The following ZC3H3 variants were observed in gnomAD, a reference collection of about 807,000 sequenced individuals.
ZC3H3 encodes the protein zinc finger CCCH domain-containing protein 3.
Under a neutral mutation model 77.3 loss-of-function variants are expected in ZC3H3, and 36 were observed. That is an observed-to-expected ratio of 0.47 (90% CI 0.36 to 0.61). The LOEUF (loss-of-function observed/expected upper bound fraction) is 0.61. ZC3H3 is among the 20% of genes least tolerant of loss of function. The probability of loss-of-function intolerance (pLI) is 0.00; values close to 1 mark genes in which losing one functional copy is unlikely to be tolerated. For missense variants in ZC3H3, 1,331 were observed against 1,312.2 expected (o/e 1.01, Z -0.22); for synonymous variants, 626 against 555.2 (o/e 1.13, Z -1.79).
chr8:143,537,535 A>G (rs532982812), intron 2 of ZC3H3, among the ~76,000 whole-genome samples: 1 of 152,374 alleles, frequency 6.6e-6, no homozygotes, highest in Non-Finnish European at 1.5e-5. Context: ...GGCAGGGCCC[A>G]GAGCTCTGGT....
chr8:143,519,118 A>AG (rs140206195), intron 3 of ZC3H3, among the ~76,000 whole-genome samples: 21,964 of 152,210 alleles, frequency 0.14, 1,712 homozygotes, highest in Admixed American at 0.21. Flanking sequence ...CGGCCTCTGA[A>AG]GGAGGGGAGG....
At chr8:143,443,569 A>G (rs560088173) in intron 9 of ZC3H3, among the ~76,000 whole-genome samples, 58 of 152,258 alleles carry the variant, frequency 3.8e-4, no homozygotes, top group Admixed American at 1.0e-3. Flanking sequence ...ATATCACAAC[A>G]GAAGACCTAG....
chr8:143,470,113 C>A (rs1231177298), intron 5 of ZC3H3, among the ~76,000 whole-genome samples: 1 of 152,212 alleles, frequency 6.6e-6, no homozygotes, highest in Non-Finnish European at 1.5e-5. Flanking sequence ...TCCCTCGCAC[C>A]CCCAGGCTGG....
At chr8:143,515,724 C>T (rs567666108) in intron 3 of ZC3H3, among the ~76,000 whole-genome samples, 18 of 152,344 alleles carry the variant, frequency 1.2e-4, no homozygotes, top group Non-Finnish European at 2.1e-4. Flanking sequence ...GTGGCCAAGG[C>T]CTAGAGGAAG....
chr8:143,483,907 A>G (rs986798650), intron 4 of ZC3H3, among the ~76,000 whole-genome samples: 1 of 151,992 alleles, frequency 6.6e-6, no homozygotes, highest in Admixed American at 6.6e-5. Flanking sequence ...TCCCGCTGTC[A>G]CCCCCACAGC....
rs75499773 is a variant in ZC3H3 at position 143,538,691 on chromosome 8, C to T, written c.676G>A (p.Val226Ile). The change falls in exon 2 of 12, where the codon GTC becomes ATC. Residue 226 changes from valine (V) to isoleucine (I), a missense_variant. By Grantham distance (29) the Val-to-Ile change is conservative. Around this residue, in one of 3 missense-constraint regions of ZC3H3, gnomAD observed 978 missense variants for 915.5 expected, o/e 1.07. Coordinates refer to ENST00000262577, the MANE Select transcript of ZC3H3 (RefSeq NM_015117.3). ...GCGGAGGATGGGAAGCTCGCCTTGA[C>T]GGCAATCACACTCTCACTGACTGTC... Reference protein sequence around the residue: ...RRTVSESVIAVKASFPSSALP... With the variant: ...RRTVSESVIAIKASFPSSALP... 238 of 1,608,076 alleles carry T rather than the reference C, an allele frequency of 1.5e-4. No homozygotes were observed. The East Asian group carries it at 4.1e-3, about 28-fold the overall frequency.
intron 3 of ZC3H3, among the ~76,000 whole-genome samples, chr8:143,518,267 C>T (rs960404599): frequency 1.3e-5 from 2 of 152,226 alleles, no homozygotes; most frequent in Admixed American, 6.5e-5. Context: ...TCCCTCCCAG[C>T]CCACCCCTGA....
intron 3 of ZC3H3, among the ~76,000 whole-genome samples, chr8:143,517,203 A>T (rs1822085401): frequency 6.6e-6 from 1 of 152,174 alleles, no homozygotes. Context: ...GTCTGTATGA[A>T]ATGGGAATAG....
At chr8:143,466,747 C>G (rs1380464877) in intron 8 of ZC3H3, among the ~76,000 whole-genome samples, 1 of 152,180 alleles carries the variant, frequency 6.6e-6, no homozygotes, top group Non-Finnish European at 1.5e-5. Flanking sequence ...CCAGGGTCTC[C>G]AGTCTTGCCC....
At chr8:143,527,520 C>G (rs1456896166) in intron 3 of ZC3H3, among the ~76,000 whole-genome samples, 1 of 152,208 alleles carries the variant, frequency 6.6e-6, no homozygotes, top group African/African-American at 2.4e-5. Flanking sequence ...AATTAATTAG[C>G]ACAGCCACAA....
In ZC3H3 at chr8:143,477,797, C is replaced by T. The variant is rs146423328; in HGVS notation, c.1716-2212G>A. Among the ~76,000 whole-genome samples, 292 of 152,330 alleles carry T rather than the reference C, an allele frequency of 1.9e-3. 1 individual carries two copies. Among genetic ancestry groups the T allele is most frequent in the African/African-American group, 6.6e-3 (273 of 41,586 alleles). ...GTACTCACAGGCCTCAGGGGTCTCA[C>T]CATTGGGAGGGTGAGGGGGCTGGTG... On this transcript the variant is annotated intron_variant, in intron 4 of 11. Transcript: ENST00000262577.
At chr8:143,478,080 G>A (rs561737850) in intron 4 of ZC3H3, among the ~76,000 whole-genome samples, 4 of 152,244 alleles carry the variant, frequency 2.6e-5, no homozygotes, top group South Asian at 2.1e-4. Flanking sequence ...AACCCTGGCC[G>A]CCACAAAGCA....
intron 4 of ZC3H3, among the ~76,000 whole-genome samples, chr8:143,479,091 G>A (rs147475806): frequency 2.0e-5 from 3 of 152,358 alleles, no homozygotes; most frequent in South Asian, 4.1e-4. Flanking sequence ...CCTAGCCCAA[G>A]AGCCTCATTC....
chr8:143,519,381 C>A (rs545331367), intron 3 of ZC3H3, among the ~76,000 whole-genome samples: 2 of 152,278 alleles, frequency 1.3e-5, no homozygotes, highest in African/African-American at 4.8e-5. Flanking sequence ...GGGCCCCAGA[C>A]CATAGTGCAA....
rs1342416092 is a variant in ZC3H3, at chr8:143,494,036, C to T, written c.1715+13710G>A. ...CCGCCTGTTCCCATAAAATAAAACT[C>T]TAAAAAACCTGCCGGAGTCCTGCCT... On this transcript the variant is annotated intron_variant, in intron 4 of 11. Transcript: ENST00000262577. The surrounding 1 kb of genome is among the most constrained non-coding windows in gnomAD (Gnocchi z 5.3). Among the ~76,000 whole-genome samples, 1 of 152,314 alleles carries T rather than the reference C, an allele frequency of 6.6e-6. No homozygotes were observed. Among genetic ancestry groups the T allele is most frequent in the East Asian group, 1.9e-4 (1 of 5,190 alleles).
At chr8:143,521,826 G>A (rs1186396906) in intron 3 of ZC3H3, among the ~76,000 whole-genome samples, 2 of 152,186 alleles carry the variant, frequency 1.3e-5, no homozygotes, top group Non-Finnish European at 2.9e-5. Context: ...TGGAACAGGA[G>A]GGAGGGTTTT....
At chr8:143,483,706 T>C (rs1269505309) in intron 4 of ZC3H3, among the ~76,000 whole-genome samples, 14 of 152,206 alleles carry the variant, frequency 9.2e-5, no homozygotes, top group Admixed American at 9.2e-4. Context: ...GGCCTCACGA[T>C]GGCTATGGCC....
chr8:143,468,316 G>A, intron 7 of ZC3H3, 38 bp from the exon 8 acceptor site: 3 of 1,612,214 alleles, frequency 1.9e-6, no homozygotes, highest in Non-Finnish European at 2.5e-6. Flanking sequence ...GGAAGGGCCG[G>A]CAGGGACCAA....
intron 3 of ZC3H3, among the ~76,000 whole-genome samples, chr8:143,534,363 CCGAAATGGT>C (rs1157053827): frequency 6.6e-6 from 1 of 151,942 alleles, no homozygotes; most frequent in Non-Finnish European, 1.5e-5. Flanking sequence ...GCTGTGCACT[CCGAAATGGT>C]CAGCCGGTGA....
Sources: allele counts gnomAD v4.1 joint callset (sites outside exome capture counted in the v4.1 genomes callset), GRCh38; gene constraint gnomAD v4.1.1; regional missense constraint gnomAD v4.1.1; non-coding constraint Gnocchi (gnomAD v3.1); transcripts MANE v1.5; gene names NCBI Gene and HGNC (gene_info 2026-07-23, HGNC 2026-07-21).